Variants in SPTBN4 observed in about 807,000 individuals in gnomAD.
SPTBN4 encodes the protein spectrin beta, non-erythrocytic 4.
A neutral mutation model predicts 277.8 loss-of-function variants in SPTBN4; 96 were observed. That is an observed-to-expected ratio of 0.35 (90% CI 0.29 to 0.41). The LOEUF is 0.41. SPTBN4 is among the 10% of genes least tolerant of loss of function. The pLI is 1.00. For synonymous variants in SPTBN4, 1,481 were observed against 1,580.3 expected (o/e 0.94, Z 1.49); for missense variants, 3,006 against 3,595.7 (o/e 0.84, Z 4.19).
rs370815584 is a variant in SPTBN4 at position 40,502,087 on chromosome 19, C to G, written c.898-41C>G. 1 of 1,613,260 alleles carries G rather than the reference C, an allele frequency of 6.2e-7. No individual in the cohort carries two copies. Among genetic ancestry groups the G allele is most frequent in the Non-Finnish European group, 8.5e-7 (1 of 1,179,746 alleles). On this transcript the variant is annotated intron_variant, in intron 8 of 35. Coordinates refer to ENST00000598249, the MANE Select transcript of SPTBN4 (RefSeq NM_020971.3). This position sits in a 1 kb window ranked among gnomAD's most constrained non-coding sequence, Gnocchi z 4.9. ...GGAAGCTGGAAGCTGGTGGCAGGCA[C>G]GGGTGGGATGAGGCTGACCCCCCTT...
chr19:40,518,296 ACT>A lies in SPTBN4; in HGVS notation c.2904-1102_2904-1101del, dbSNP rs1256039772. Reference sequence around the variant, plus strand: ...ACTCCAGCCTGGGCAACAGAGCAAGACTCTGTCTAAAAAAGAAAACAAAATTT... The same window carrying A: ...ACTCCAGCCTGGGCAACAGAGCAAGACTGTCTAAAAAAGAAAACAAAATTT... On this transcript the variant is annotated intron_variant, in intron 15 of 35. Coordinates refer to ENST00000598249, the MANE Select transcript of SPTBN4 (RefSeq NM_020971.3). 3.9e-5 allele frequency among the ~76,000 whole-genome samples: 6 copies of A among 152,180 alleles called. No individual in the cohort carries two copies. The East Asian group carries it at 1.2e-3, about 29-fold the overall frequency.
intron 26 of SPTBN4, among the ~76,000 whole-genome samples, chr19:40,559,522 C>T (rs541571870): frequency 2.6e-5 from 4 of 152,284 alleles, no homozygotes; most frequent in Non-Finnish European, 5.9e-5. Context: ...CAGTGGCATG[C>T]ACCTGTAGTT....
rs905800373 is a variant in SPTBN4, at chr19:40,554,568, G to T, written c.5006G>T (p.Gly1669Val). 1 of 1,523,190 alleles carries T rather than the reference G, an allele frequency of 6.6e-7. No homozygotes were observed. The highest frequency in any genetic ancestry group is 2.3e-5 in the East Asian group (1 of 42,614). The allele number at this position is 1,523,190 out of a possible 1,614,324, so 94.4% of individuals were successfully genotyped here. ...LLKKHLQLEQGVENYEESIAQ... is the reference protein window; with the variant it reads ...LLKKHLQLEQVVENYEESIAQ... ...AAGAAACACCTGCAGCTGGAGCAAG[G>T]CGTGGAGAACTACGAGGAAAGCATC... The change falls in exon 24 of 36, where the codon GGC (glycine) becomes GTC (valine). Residue 1669 changes from glycine to valine, a missense_variant. Gly to Val is a moderately radical substitution (Grantham distance 109). Around this residue, in one of 5 missense-constraint regions of SPTBN4, gnomAD observed 425 missense variants for 594.7 expected, o/e 0.71. Coordinates refer to ENST00000598249, the MANE Select transcript of SPTBN4 (RefSeq NM_020971.3). The surrounding 1 kb of genome is among the most constrained non-coding windows in gnomAD (Gnocchi z 5.7).
Position 40,570,703 on chromosome 19 carries a change from G to T in SPTBN4, c.7294G>T (p.Asp2432Tyr). 1 of 1,608,426 alleles carries T rather than the reference G, an allele frequency of 6.2e-7. No individual in the cohort carries two copies. Among genetic ancestry groups the T allele is most frequent in the South Asian group, 1.1e-5 (1 of 90,542 alleles). Residue 2432 changes from aspartate (D) to tyrosine (Y), a missense_variant, in exon 33 of 36, where the codon GAC becomes TAC. Asp to Tyr is a radical substitution (Grantham distance 160). Around this residue, in one of 5 missense-constraint regions of SPTBN4, gnomAD observed 630 missense variants for 677.6 expected, o/e 0.93. Transcript: ENST00000598249. The part of the protein sequence containing the change: ...EGFLLRKREL[D>Y]ANRKSSNRSW... Reference sequence around the variant, plus strand: ...CTTCCTACTGCGCAAGCGCGAGCTCGACGCTAACCGCAAGTCGTCCAACCG... The same window carrying T: ...CTTCCTACTGCGCAAGCGCGAGCTCTACGCTAACCGCAAGTCGTCCAACCG...
intron 2 of SPTBN4, among the ~76,000 whole-genome samples, chr19:40,485,621 C>T (rs2080062657): frequency 6.6e-6 from 1 of 151,944 alleles, no homozygotes; most frequent in Non-Finnish European, 1.5e-5. Flanking sequence ...GCCTGGGCAA[C>T]ATCGTGAGAC....
At chr19:40,489,452 C>G (rs2080112081) in intron 3 of SPTBN4, among the ~76,000 whole-genome samples, 1 of 151,980 alleles carries the variant, frequency 6.6e-6, no homozygotes, top group South Asian at 2.1e-4. Context: ...GTGGCGCGAT[C>G]TCGGCTCAAC....
At chr19:40,556,881 T>C (rs1179123183) in intron 25 of SPTBN4, 142 bp from the exon 26 acceptor site, 2 of 1,070,662 alleles carry the variant, frequency 1.9e-6, no homozygotes, top group Non-Finnish European at 2.5e-6. Context: ...TAAGTGGCTA[T>C]TGAACCACTG....
At chr19:40,565,299 A>AAGAAG in intron 27 of SPTBN4, 124 bp from the exon 28 acceptor site, 1 of 1,169,934 alleles carries the variant, frequency 8.5e-7, no homozygotes, top group Non-Finnish European at 1.2e-6. Flanking sequence ...AAGAAAAGAA[A>AAGAAG]GTAAGTGTCT....
chr19:40,558,930 A>G (rs2081013179), intron 26 of SPTBN4, among the ~76,000 whole-genome samples: 1 of 133,220 alleles, frequency 7.5e-6, no homozygotes, highest in Non-Finnish European at 1.6e-5. Flanking sequence ...TATTATTATT[A>G]TTATTATTAT....
chr19:40,508,513 C>G (rs533625031), intron 13 of SPTBN4, among the ~76,000 whole-genome samples: 3 of 152,116 alleles, frequency 2.0e-5, no homozygotes, highest in African/African-American at 7.2e-5. Flanking sequence ...ATGGTGAAAC[C>G]CCATCCCTAC....
intron 15 of SPTBN4, among the ~76,000 whole-genome samples, chr19:40,516,951 A>G (rs2080467877): frequency 6.6e-6 from 1 of 152,198 alleles, no homozygotes; most frequent in South Asian, 2.1e-4. Context: ...ATAAGTAACA[A>G]ACTAATATCA....
Position 40,493,045 on chromosome 19 carries a change from A to G in SPTBN4, c.578A>G (p.Lys193Arg). 6.2e-7 allele frequency: 1 copy of G among 1,614,094 alleles called. No homozygotes were observed. The highest frequency in any genetic ancestry group is 1.1e-5 in the South Asian group (1 of 91,078). ...KDALLLWCQM[K>R]TAGYPEVNIQ... is the part of the protein sequence containing the mutation. The stretch of plus-strand genomic sequence containing the variant: ...GCTCTGCTCTTGTGGTGTCAGATGA[A>G]GACAGCTGGGTAAGCACCCCCACCA... The change falls in exon 5 of 36, where the codon AAG (lysine) becomes AGG (arginine). Residue 193 changes from lysine (K) to arginine (R), a missense_variant. By Grantham distance (26) the Lys-to-Arg change is conservative (BLOSUM62 2). This residue lies in a region of SPTBN4 where 1,759 missense variants were observed against 2,061.5 expected (regional missense o/e 0.85). Transcript: ENST00000598249.
intron 5 of SPTBN4, 96 bp from the exon 6 acceptor site, chr19:40,494,801 T>G: frequency 9.4e-7 from 1 of 1,067,688 alleles, no homozygotes; most frequent in Non-Finnish European, 1.4e-6. Context: ...TCTCTCATCT[T>G]CCTTCCCTAT....
intron 19 of SPTBN4, 121 bp downstream of exon 19, chr19:40,532,892 A>G: frequency 4.1e-6 from 5 of 1,227,750 alleles, no homozygotes; most frequent in South Asian, 1.8e-5. Context: ...GACTGACTCA[A>G]ATCAGCTCCA....
intron 28 of SPTBN4, 32 bp from the exon 29 acceptor site, chr19:40,565,629 T>C (rs1281504709): frequency 6.4e-7 from 1 of 1,559,914 alleles, no homozygotes. Flanking sequence ...TTCCACACCC[T>C]GACTTCCCTC....
At chr19:40,485,717 G>C (rs2080063812) in intron 2 of SPTBN4, among the ~76,000 whole-genome samples, 1 of 151,856 alleles carries the variant, frequency 6.6e-6, no homozygotes, top group African/African-American at 2.4e-5. Context: ...GAGGTGGGAG[G>C]ACTGCATAAG....
At position 40,518,163 on chromosome 19, in the gene SPTBN4, G is replaced by A. The variant is rs768246643; in HGVS notation, c.2904-1238G>A. ...TCTATTAAAAATATAAAAACTAGCC[G>A]GGTGTGGTGGTGCACGCCTGTAATC... On this transcript the variant is annotated intron_variant, in intron 15 of 35. Transcript: ENST00000598249. Among the ~76,000 whole-genome samples the A allele has an allele frequency of 6.6e-5, 10 of 152,106 alleles. No individual in the cohort carries two copies. The East Asian group carries it at 1.6e-3, about 24-fold the overall frequency.
intron 1 of SPTBN4, among the ~76,000 whole-genome samples, chr19:40,469,992 C>A (rs982837578): frequency 1.3e-4 from 20 of 148,554 alleles, no homozygotes; most frequent in Admixed American, 4.1e-4. Context: ...TTTTTATTTT[C>A]ATTTAATTTA....
chr19:40,568,269 G>A lies in SPTBN4; in HGVS notation c.6943G>A (p.Asp2315Asn). The A allele has an allele frequency of 6.2e-6, 10 of 1,605,632 alleles. No homozygotes were observed. Among genetic ancestry groups the A allele is most frequent in the Non-Finnish European group, 8.5e-6 (10 of 1,176,376 alleles). ...SSEQEMPIRGDLVKGKATLAD... is the reference protein window; with the variant it reads ...SSEQEMPIRGNLVKGKATLAD... ...CGAACAGGAGATGCCCATCAGAGGAGACCTGGTCAAGGGGTGAGGTGCCCG... is the reference window on the plus strand; with the variant it reads ...CGAACAGGAGATGCCCATCAGAGGAAACCTGGTCAAGGGGTGAGGTGCCCG... The change falls in exon 31 of 36, where the codon GAC (aspartate) becomes AAC (asparagine). Residue 2315 changes from aspartate (D) to asparagine (N), a missense_variant. Physicochemically the swap from Asp to Asn is conservative, Grantham distance 23 (BLOSUM62 1). Around this residue, in one of 5 missense-constraint regions of SPTBN4, gnomAD observed 630 missense variants for 677.6 expected, o/e 0.93. Transcript: ENST00000598249.
Sources: gnomAD v4.1 joint callset for allele counts (sites outside exome capture counted in the v4.1 genomes callset) on GRCh38, gnomAD v4.1.1 for gene constraint, gnomAD v4.1.1 regional missense constraint, Gnocchi (gnomAD v3.1) non-coding constraint, MANE v1.5 for transcripts, NCBI Gene and HGNC (gene_info 2026-07-23, HGNC 2026-07-21) for gene names.